The following MYO3B variants were observed in gnomAD, a reference collection of about 807,000 sequenced individuals.
The protein encoded by MYO3B is myosin-IIIb.
MYO3B carries 156 observed loss-of-function variants against 174.6 expected under a neutral mutation model. That is an observed-to-expected ratio of 0.89 (90% CI 0.78 to 1.02). The LOEUF (loss-of-function observed/expected upper bound fraction) is 1.02, where lower values mean the gene tolerates loss of function less well. Among genes scored for constraint, MYO3B ranks in the 50% least tolerant of loss-of-function variants. MYO3B has a pLI of 0.00. For synonymous variants in MYO3B, 563 were observed against 569.1 expected, an observed-to-expected ratio of 0.99 and a Z score of 0.15; for missense variants, 1,632 against 1,639.4, an observed-to-expected ratio of 1.00 and a Z score of 0.08.
chr2:170,408,053 G>A (rs2094522503), intron 22 of MYO3B, among the ~76,000 whole-genome samples: 1 of 152,222 alleles, frequency 6.6e-6, no homozygotes, highest in Admixed American at 6.5e-5. Flanking sequence ...GACACGTGTA[G>A]CTGCACACAT....
At chr2:170,650,204 TGTATTTTTA>T (rs1247399643) in intron 32 of MYO3B, among the ~76,000 whole-genome samples, 3 of 151,844 alleles carry the variant, frequency 2.0e-5, no homozygotes, top group Admixed American at 1.3e-4. Flanking sequence ...AGCTAATTTT[TGTATTTTTA>T]GTAGAGATGG....
Position 170,423,585 on chromosome 2 carries a change from C to CTTTTTTTTT in MYO3B, c.2650+15750_2650+15758dup, listed in dbSNP as rs34209442. Among the ~76,000 whole-genome samples the CTTTTTTTTT allele has an allele frequency of 1.6e-5, 2 of 124,298 alleles. 1 individual carries two copies. Among genetic ancestry groups the CTTTTTTTTT allele is most frequent in the Non-Finnish European group, 3.2e-5 (2 of 62,022 alleles). 81.5% of individuals were successfully genotyped at this position (124,298 alleles called of 152,430 possible). ...CGGATTTGCAGAGTTTCAGCAAAAGCTTTTTTTTTTTTTTTTTGAGACAGA... is the reference window on the plus strand; with the variant it reads ...CGGATTTGCAGAGTTTCAGCAAAAGCTTTTTTTTTTTTTTTTTTTTTTTTTTGAGACAGA... On this transcript the variant is annotated intron_variant, in intron 22 of 34. Transcript: ENST00000408978.
At chr2:170,459,348 C>A (rs1684111077) in intron 23 of MYO3B, among the ~76,000 whole-genome samples, 2 of 152,184 alleles carry the variant, frequency 1.3e-5, no homozygotes, top group Non-Finnish European at 2.9e-5. Context: ...GGTGGGTTTA[C>A]AAACCTTGAG....
At chr2:170,358,702 C>T (rs1201212654) in intron 8 of MYO3B, among the ~76,000 whole-genome samples, 3 of 152,136 alleles carry the variant, frequency 2.0e-5, no homozygotes, top group Non-Finnish European at 4.4e-5. Context: ...GCCAGCTATG[C>T]ACATTATAGT....
chr2:170,392,874 G>A (rs865919736), intron 16 of MYO3B, among the ~76,000 whole-genome samples: 2 of 92,850 alleles, frequency 2.2e-5, no homozygotes, highest in Non-Finnish European at 5.2e-5. Context: ...TTTTTTTTCT[G>A]ATTGAGCGTT....
At chr2:170,530,985 C>CA (rs1689318005) in intron 30 of MYO3B, among the ~76,000 whole-genome samples, 1 of 152,138 alleles carries the variant, frequency 6.6e-6, no homozygotes, top group Non-Finnish European at 1.5e-5. Flanking sequence ...GTCCTCTCCC[C>CA]CTCCCTCTCC....
Position 170,498,642 on chromosome 2 carries a change from A to C in MYO3B, c.3065A>C (p.Glu1022Ala). 1 of 1,614,156 alleles carries C rather than the reference A, an allele frequency of 6.2e-7. No individual in the cohort carries two copies. Among genetic ancestry groups the C allele is most frequent in the Non-Finnish European group, 8.5e-7 (1 of 1,179,994 alleles). Residue 1022 changes from glutamate (E) to alanine (A), a missense_variant, in exon 26 of 35, where the codon GAG becomes GCG. By Grantham distance (107) the Glu-to-Ala change is moderately radical. Transcript: ENST00000408978. Reference sequence around the variant, plus strand: ...CATCAAACACCTCTTGCTAGCAAAGAGAGCTGTGTGGCTATCTTGGAAAAG... The same window carrying C: ...CATCAAACACCTCTTGCTAGCAAAGCGAGCTGTGTGGCTATCTTGGAAAAG... ...TAHQTPLASK[E>A]SCVAILEKSR...
chr2:170,364,436 G>A (rs1470540288), intron 8 of MYO3B, among the ~76,000 whole-genome samples: 1 of 152,136 alleles, frequency 6.6e-6, no homozygotes, highest in East Asian at 1.9e-4. Context: ...TGCTTTATGT[G>A]TCTAGTGCTT....
At chr2:170,466,997 T>C (rs952454486) in intron 25 of MYO3B, among the ~76,000 whole-genome samples, 2 of 152,210 alleles carry the variant, frequency 1.3e-5, no homozygotes, top group Non-Finnish European at 2.9e-5. Context: ...ATTTTGTTGT[T>C]ATGATGAAAG....
intron 32 of MYO3B, among the ~76,000 whole-genome samples, chr2:170,592,601 G>A (rs975548848): frequency 6.6e-6 from 1 of 152,182 alleles, no homozygotes; most frequent in Non-Finnish European, 1.5e-5. Flanking sequence ...TGTGTACCAG[G>A]CCCTGTCCCT....
chr2:170,574,047 C>T (rs1390777841), intron 32 of MYO3B, among the ~76,000 whole-genome samples: 3 of 152,086 alleles, frequency 2.0e-5, no homozygotes, highest in African/African-American at 7.2e-5. Context: ...CTTGCAGCAG[C>T]TCAAAGGAAA....
intron 32 of MYO3B, among the ~76,000 whole-genome samples, chr2:170,547,967 C>T (rs903728813): frequency 1.3e-5 from 2 of 151,694 alleles, no homozygotes; most frequent in African/African-American, 2.4e-5. Context: ...TGTAGCCGGG[C>T]GTGGTGGCAG....
At chr2:170,367,937 T>G (rs1315122501) in intron 8 of MYO3B, among the ~76,000 whole-genome samples, 1 of 152,236 alleles carries the variant, frequency 6.6e-6, no homozygotes, top group East Asian at 1.9e-4. Flanking sequence ...CTTTTCTGGC[T>G]GAAAGCTCCA....
At chr2:170,202,687 C>T (rs534066700) in intron 3 of MYO3B, among the ~76,000 whole-genome samples, 41 of 152,274 alleles carry the variant, frequency 2.7e-4, no homozygotes, top group African/African-American at 9.9e-4. Flanking sequence ...CACTTCCTGA[C>T]CACACACACA....
At chr2:170,303,612 ATTC>A (rs1319759426) in intron 7 of MYO3B, among the ~76,000 whole-genome samples, 1 of 152,004 alleles carries the variant, frequency 6.6e-6, no homozygotes, top group Non-Finnish European at 1.5e-5. Context: ...ATGTCACTTT[ATTC>A]TTTGATTGCT....
intron 25 of MYO3B, among the ~76,000 whole-genome samples, chr2:170,481,759 C>T (rs1342128901): frequency 1.3e-5 from 2 of 152,084 alleles, no homozygotes; most frequent in Admixed American, 1.3e-4. Context: ...GGCATGGTGG[C>T]TTCTCTGGGA....
intron 9 of MYO3B, among the ~76,000 whole-genome samples, chr2:170,381,058 C>T (rs1163072215): frequency 1.3e-5 from 2 of 152,174 alleles, no homozygotes; most frequent in Admixed American, 1.3e-4. Context: ...GAGTTTGAGG[C>T]TGCAGTGAGC....
At chr2:170,325,046 T>C (rs1357940102) in intron 7 of MYO3B, among the ~76,000 whole-genome samples, 1 of 152,248 alleles carries the variant, frequency 6.6e-6, no homozygotes. Flanking sequence ...AGGCTTGGGT[T>C]TGGGGGCAGG....
At chr2:170,456,111 G>C (rs1683892759) in intron 23 of MYO3B, among the ~76,000 whole-genome samples, 1 of 152,088 alleles carries the variant, frequency 6.6e-6, no homozygotes, top group African/African-American at 2.4e-5. Context: ...TACACAGATG[G>C]TTATATACCC....
Sources: allele counts gnomAD v4.1 joint callset (sites outside exome capture counted in the v4.1 genomes callset), GRCh38; gene constraint gnomAD v4.1.1; transcripts MANE v1.5; gene names NCBI Gene and HGNC (gene_info 2026-07-23, HGNC 2026-07-21).